Variants in FRMD4B observed in about 807,000 individuals in gnomAD.
FRMD4B encodes FERM domain containing 4B, also known as FERM domain-containing protein 4B.
Under a neutral mutation model 141.5 loss-of-function variants are expected in FRMD4B, and 74 were observed. The ratio of observed to expected loss-of-function variants is 0.52; its 90% CI spans 0.43 to 0.63. The LOEUF (loss-of-function observed/expected upper bound fraction) is 0.63, where lower values mean the gene tolerates loss of function less well. Ranked by LOEUF, FRMD4B falls within the 30% of genes least tolerant of loss-of-function variation. FRMD4B has a pLI of 0.00. For missense variants in FRMD4B, 1,366 were observed against 1,253.4 expected (o/e 1.09, Z -1.36); for synonymous variants, 506 against 467.9 (o/e 1.08, Z -1.05).
intron 11 of FRMD4B, among the ~76,000 whole-genome samples, chr3:69,203,341 A>AAAAAAAAAAG (rs1553700373): frequency 2.9e-4 from 22 of 77,016 alleles, no homozygotes; most frequent in Non-Finnish European, 4.1e-4. Flanking sequence ...AAAAAAAAAA[A>AAAAAAAAAAG]AAAGAAAGAA....
At chr3:69,232,711 A>G (rs1242715466) in intron 7 of FRMD4B, among the ~76,000 whole-genome samples, 1 of 152,112 alleles carries the variant, frequency 6.6e-6, no homozygotes, top group Non-Finnish European at 1.5e-5. Flanking sequence ...GGGCTTGTAC[A>G]CAGCAACAAT....
rs75557262 is a variant in FRMD4B, at chr3:69,179,489, C to T, written c.2851+1410G>A. On this transcript the variant is annotated intron_variant, in intron 21 of 22. Coordinates refer to ENST00000398540, the MANE Select transcript of FRMD4B (RefSeq NM_015123.3). ...ATAAATAAGAAATAATTACCGAAGC[C>T]CTTTCATATGTTAGATGTGGTAATA... 1.5e-3 allele frequency among the ~76,000 whole-genome samples: 225 copies of T among 152,230 alleles called. 2 individuals are homozygous for T. The highest frequency in any genetic ancestry group is 5.2e-3 in the African/African-American group (216 of 41,546).
rs559346563 is a variant in FRMD4B, at chr3:69,470,475, GGTATGTCCAAAGAACAAAGAGAA to G, written c.-128-37737_-128-37715del. ...ATAATTTCAATTCTAGGTGGTCTTT[GGTATGTCCAAAGAACAAAGAGAA>G]GTATGTCCAAAGAACAAAGAGGGTT... On this transcript the variant is annotated intron_variant, in intron 1 of 5. Transcript: ENST00000459638. Among the ~76,000 whole-genome samples, 521 of 151,984 alleles carry G rather than the reference GGTATGTCCAAAGAACAAAGAGAA, an allele frequency of 3.4e-3. 4 individuals carry two copies. The highest frequency in any genetic ancestry group is 0.012 in the African/African-American group (491 of 41,454).
At chr3:69,228,273 G>A (rs995748537) in intron 7 of FRMD4B, 8 of 455,758 alleles carry the variant, frequency 1.8e-5, no homozygotes, top group Non-Finnish European at 2.6e-5. Flanking sequence ...ACTCTACAAA[G>A]CATATCTTTT....
chr3:69,278,646 G>A (rs1346900119), intron 5 of FRMD4B, among the ~76,000 whole-genome samples: 1 of 151,384 alleles, frequency 6.6e-6, no homozygotes, highest in East Asian at 1.9e-4. Context: ...GAGTGCAGCA[G>A]CGCAATCTCG....
At chr3:69,430,018 C>A (rs577902718) in intron 2 of FRMD4B, among the ~76,000 whole-genome samples, 1 of 151,830 alleles carries the variant, frequency 6.6e-6, no homozygotes, top group Admixed American at 6.6e-5. Context: ...ACCTCAGCCT[C>A]CCAAAGTGCT....
At chr3:69,436,903 T>C (rs575846118) in intron 1 of FRMD4B, among the ~76,000 whole-genome samples, 2 of 152,178 alleles carry the variant, frequency 1.3e-5, no homozygotes. Context: ...CTAGAATAGT[T>C]GAATAGTAAT....
intron 1 of FRMD4B, among the ~76,000 whole-genome samples, chr3:69,504,981 A>G (rs914221784): frequency 6.6e-6 from 1 of 152,138 alleles, no homozygotes; most frequent in African/African-American, 2.4e-5. Context: ...ATGCCTGGAG[A>G]TATTTGCAAT....
intron 9 of FRMD4B, among the ~76,000 whole-genome samples, chr3:69,219,233 A>C (rs1016409351): frequency 2.0e-5 from 3 of 151,722 alleles, no homozygotes; most frequent in Non-Finnish European, 2.9e-5. Context: ...TTTTTAATTC[A>C]GTAGTGTTTA....
At chr3:69,378,023 A>C (rs1268295523) in intron 1 of FRMD4B, among the ~76,000 whole-genome samples, 1 of 145,830 alleles carries the variant, frequency 6.9e-6, no homozygotes, top group Admixed American at 7.0e-5. Flanking sequence ...GTTTTGCCAT[A>C]TTGGCCAGCT....
At chr3:69,472,409 C>A in intron 1 of FRMD4B, 1 of 492,616 alleles carries the variant, frequency 2.0e-6, no homozygotes, top group South Asian at 1.5e-5. Context: ...AGTGCCTCTT[C>A]ACTAATATGG....
At chr3:69,370,022 C>T (rs1297125323) in intron 1 of FRMD4B, among the ~76,000 whole-genome samples, 3 of 151,936 alleles carry the variant, frequency 2.0e-5, no homozygotes, top group African/African-American at 4.8e-5. Context: ...TTTTGAAAAG[C>T]TTGAACACAG....
At chr3:69,268,990 G>A (rs1023366807) in intron 5 of FRMD4B, among the ~76,000 whole-genome samples, 1 of 150,872 alleles carries the variant, frequency 6.6e-6, no homozygotes, top group Admixed American at 6.6e-5. Context: ...GTGCAATGGG[G>A]CGATCTTGGC....
intron 1 of FRMD4B, among the ~76,000 whole-genome samples, chr3:69,451,169 G>C (rs760803212): frequency 6.6e-6 from 1 of 152,192 alleles, no homozygotes; most frequent in Non-Finnish European, 1.5e-5. Context: ...GATGATGTGT[G>C]ATTTTATCAT....
chr3:69,346,245 A>T (rs1484761163), intron 1 of FRMD4B, among the ~76,000 whole-genome samples: 1 of 152,112 alleles, frequency 6.6e-6, no homozygotes, highest in Non-Finnish European at 1.5e-5. Context: ...TTGAAGATTA[A>T]ATGAATGAAA....
chr3:69,388,807 T>C (rs1025106061), upstream of FRMD4B, among the ~76,000 whole-genome samples: 6 of 152,300 alleles, frequency 3.9e-5, no homozygotes, highest in Admixed American at 1.3e-4. Context: ...CTTCAGTTTT[T>C]TGTAGTCAGA....
At chr3:69,212,146 G>A (rs1294493266) in intron 11 of FRMD4B, among the ~76,000 whole-genome samples, 1 of 151,340 alleles carries the variant, frequency 6.6e-6, no homozygotes, top group African/African-American at 2.4e-5. Flanking sequence ...GATTGCCTGA[G>A]GTCAGGAGTT....
intron 1 of FRMD4B, among the ~76,000 whole-genome samples, chr3:69,325,075 TAA>T (rs112470737): frequency 1.2e-4 from 14 of 119,890 alleles, no homozygotes; most frequent in African/African-American, 3.4e-4. Context: ...AGATACTGTC[TAA>T]AAAAAAAAAA....
intron 2 of FRMD4B, among the ~76,000 whole-genome samples, chr3:69,421,167 C>T (rs1280668760): frequency 6.6e-6 from 1 of 152,230 alleles, no homozygotes; most frequent in African/African-American, 2.4e-5. Flanking sequence ...TCCCCCTTTT[C>T]CTCCACCCTC....
Sources: gnomAD v4.1 joint callset for allele counts (sites outside exome capture counted in the v4.1 genomes callset) on GRCh38, gnomAD v4.1.1 for gene constraint, MANE v1.5 for transcripts, NCBI Gene and HGNC (gene_info 2026-07-23, HGNC 2026-07-21) for gene names.